IQGAP2: variants seen among roughly 807,000 people sequenced by gnomAD.
IQGAP2 encodes the protein IQ motif containing GTPase activating protein 2.
Under a neutral mutation model 201.3 loss-of-function variants are expected in IQGAP2, and 173 were observed. The ratio of observed to expected loss-of-function variants is 0.86; its 90% CI spans 0.76 to 0.98. IQGAP2 has a LOEUF of 0.98. Among genes scored for constraint, IQGAP2 ranks in the 50% least tolerant of loss-of-function variants. The pLI, the probability that IQGAP2 is intolerant of heterozygous loss-of-function variation, is 0.00. For synonymous variants in IQGAP2, 675 were observed against 673.9 expected, an observed-to-expected ratio of 1.00 and a Z score of -0.03; for missense variants, 1,687 against 1,864.8, an observed-to-expected ratio of 0.90 and a Z score of 1.76.
intron 2 of IQGAP2, among the ~76,000 whole-genome samples, chr5:76,521,422 G>A (rs976002215): frequency 6.6e-6 from 1 of 152,114 alleles, no homozygotes; most frequent in Admixed American, 6.5e-5. Flanking sequence ...GGGAAAAGCA[G>A]GCAAAATCTA....
At position 76,449,770 on chromosome 5, in the gene IQGAP2, T is replaced by C. The variant is rs769413384; in HGVS notation, c.47-11800T>C. ...TTCTGAAATTGTATTTAGTGGCTAATACACAGAGAAGATTTGGCTATCTCC... is the reference window on the plus strand; with the variant it reads ...TTCTGAAATTGTATTTAGTGGCTAACACACAGAGAAGATTTGGCTATCTCC... On this transcript the variant is annotated intron_variant, in intron 1 of 35. Transcript: ENST00000274364. 3.9e-5 allele frequency among the ~76,000 whole-genome samples: 6 copies of C among 152,196 alleles called. 1 individual carries two copies. The highest frequency in any genetic ancestry group is 8.8e-5 in the Non-Finnish European group (6 of 68,034).
At chr5:76,626,261 T>TC (rs1750216099) in intron 13 of IQGAP2, among the ~76,000 whole-genome samples, 1 of 51,184 alleles carries the variant, frequency 2.0e-5, no homozygotes, top group African/African-American at 7.7e-5. Context: ...TTCTTTTTTT[T>TC]CTTCTTTTCT....
chr5:76,484,963 G>T (rs940315031), intron 2 of IQGAP2, among the ~76,000 whole-genome samples: 1 of 152,130 alleles, frequency 6.6e-6, no homozygotes, highest in African/African-American at 2.4e-5. Flanking sequence ...TGAGTAGCTG[G>T]GACTACAGGT....
intron 5 of IQGAP2, among the ~76,000 whole-genome samples, chr5:76,581,951 T>A (rs988736950): frequency 6.6e-6 from 1 of 152,192 alleles, no homozygotes; most frequent in Non-Finnish European, 1.5e-5. Context: ...AAGGACACAT[T>A]TATTTAACAA....
intron 30 of IQGAP2, among the ~76,000 whole-genome samples, chr5:76,688,000 G>GACC (rs1296461174): frequency 3.9e-5 from 6 of 152,140 alleles, no homozygotes; most frequent in African/African-American, 1.4e-4. Context: ...AAGGGTTGGG[G>GACC]ACCACTCCTT....
rs201945086 is a variant in IQGAP2 at position 76,454,270 on chromosome 5, A to C, written c.47-7300A>C. The stretch of plus-strand genomic sequence containing the variant: ...GCTTTGGGTTTCTAGATAATGAAAA[A>C]AGAAATTAGATATATATATATTTTT... On this transcript the variant is annotated intron_variant, in intron 1 of 35. Transcript: ENST00000274364. Among the ~76,000 whole-genome samples, 5 of 152,040 alleles carry C rather than the reference A, an allele frequency of 3.3e-5. No individual in the cohort carries two copies. In the East Asian group the frequency reaches 9.6e-4, roughly 29 times the overall value.
chr5:76,474,499 GA>G lies in IQGAP2; in HGVS notation c.146+12832del, dbSNP rs1359727785. ...TTTTGGTGCAAGAACAGGAATTCAG[GA>G]ATTAACATTTCTAGTCATTTCTGCA... On this transcript the variant is annotated intron_variant, in intron 2 of 35. Transcript: ENST00000274364. Among the ~76,000 whole-genome samples, 3 of 152,260 alleles carry G rather than the reference GA, an allele frequency of 2.0e-5. No homozygotes were observed. In the East Asian group the frequency reaches 5.8e-4, roughly 29 times the overall value.
At chr5:76,505,913 C>G (rs1156801276) in intron 2 of IQGAP2, among the ~76,000 whole-genome samples, 1 of 152,172 alleles carries the variant, frequency 6.6e-6, no homozygotes, top group Non-Finnish European at 1.5e-5. Flanking sequence ...AACCCCCACA[C>G]TTTTACAGGA....
intron 13 of IQGAP2, among the ~76,000 whole-genome samples, chr5:76,619,965 G>A (rs374320550): frequency 2.0e-5 from 3 of 152,058 alleles, no homozygotes; most frequent in East Asian, 1.9e-4. Flanking sequence ...GGAAGAAAGG[G>A]TCATAACCCA....
intron 13 of IQGAP2, among the ~76,000 whole-genome samples, chr5:76,613,197 C>T (rs1463247610): frequency 6.6e-6 from 1 of 152,210 alleles, no homozygotes; most frequent in Non-Finnish European, 1.5e-5. Flanking sequence ...CAAGGTACAG[C>T]CAGTGAGTGG....
chr5:76,453,878 T>C (rs1753911219), intron 1 of IQGAP2, among the ~76,000 whole-genome samples: 1 of 152,180 alleles, frequency 6.6e-6, no homozygotes, highest in African/African-American at 2.4e-5. Context: ...TTCTTCTAAA[T>C]ATAGTAGAAG....
At chr5:76,666,751 C>A (rs1047395895) in intron 22 of IQGAP2, among the ~76,000 whole-genome samples, 2 of 152,090 alleles carry the variant, frequency 1.3e-5, no homozygotes, top group East Asian at 1.9e-4. Flanking sequence ...AGCAAGACTT[C>A]TTTTTTTGTA....
chr5:76,404,603 T>C lies in IQGAP2; in HGVS notation c.46+1012T>C, dbSNP rs1193129413. On this transcript the variant is annotated intron_variant, in intron 1 of 35. Coordinates refer to ENST00000274364, the MANE Select transcript of IQGAP2 (RefSeq NM_006633.5). ...GTTTGTGTGTGTGTGTGGTTTTGGA[T>C]GGTGCGTAAGGCCACTGACTTGCTT... 7.4e-6 allele frequency: 4 copies of C among 540,276 alleles called. No homozygotes were observed. In the African/African-American group the frequency reaches 8.3e-5, roughly 11 times the overall value. 33.5% of individuals were successfully genotyped at this position (540,276 alleles called of 1,614,324 possible).
chr5:76,571,294 C>T (rs1745099629), intron 4 of IQGAP2, among the ~76,000 whole-genome samples: 1 of 152,224 alleles, frequency 6.6e-6, no homozygotes, highest in African/African-American at 2.4e-5. Context: ...ATCTCTGCCT[C>T]CCAAGTAGCT....
chr5:76,519,008 C>T (rs1366768242), intron 2 of IQGAP2, among the ~76,000 whole-genome samples: 1 of 152,174 alleles, frequency 6.6e-6, no homozygotes, highest in East Asian at 1.9e-4. Flanking sequence ...GACAATGAGT[C>T]TACCATCCTA....
chr5:76,546,850 TA>T (rs1260890296), intron 2 of IQGAP2, among the ~76,000 whole-genome samples: 2 of 152,168 alleles, frequency 1.3e-5, no homozygotes, highest in Admixed American at 6.5e-5. Flanking sequence ...GCCTACTGCT[TA>T]TAAAGACTGT....
chr5:76,523,672 G>A (rs1354532832), intron 2 of IQGAP2, among the ~76,000 whole-genome samples: 1 of 152,104 alleles, frequency 6.6e-6, no homozygotes, highest in African/African-American at 2.4e-5. Flanking sequence ...AATAGAATGG[G>A]GGCATCATCA....
chr5:76,521,549 G>T (rs909410440), intron 2 of IQGAP2, among the ~76,000 whole-genome samples: 2 of 152,336 alleles, frequency 1.3e-5, no homozygotes, highest in South Asian at 4.1e-4. Context: ...GGCAGCGTCT[G>T]CCATAGATAT....
chr5:76,511,773 C>T (rs1408804437), intron 2 of IQGAP2, among the ~76,000 whole-genome samples: 3 of 151,760 alleles, frequency 2.0e-5, no homozygotes, highest in South Asian at 2.1e-4. Context: ...CTCTGCCTCC[C>T]GGGTTCACAC....
Sources: allele counts gnomAD v4.1 joint callset (sites outside exome capture counted in the v4.1 genomes callset), GRCh38; gene constraint gnomAD v4.1.1; transcripts MANE v1.5; gene names NCBI Gene and HGNC (gene_info 2026-07-23, HGNC 2026-07-21).